NEDD9: variants seen among roughly 807,000 people sequenced by gnomAD.
NEDD9 encodes enhancer of filamentation 1.
A neutral mutation model predicts 76.6 loss-of-function variants in NEDD9; 26 were observed. The ratio of observed to expected loss-of-function variants is 0.34; its 90% CI spans 0.25 to 0.47. The LOEUF (loss-of-function observed/expected upper bound fraction) is 0.47. NEDD9 is among the 20% of genes least tolerant of loss of function. The pLI is 1.00. For missense variants in NEDD9, 937 were observed against 1,058.5 expected (o/e 0.89, Z 1.59); for synonymous variants, 392 against 414.2 (o/e 0.95, Z 0.65).
chr6:11,226,690 C>G (rs1581969747), intron 1 of NEDD9, among the ~76,000 whole-genome samples: 1 of 152,178 alleles, frequency 6.6e-6, no homozygotes, highest in Non-Finnish European at 1.5e-5. Context: ...TATGGGTAAA[C>G]AATTCTAGTG....
At chr6:11,237,319 T>C (rs1475590115), upstream of NEDD9, among the ~76,000 whole-genome samples, 1 of 152,214 alleles carries the variant, frequency 6.6e-6, no homozygotes, top group African/African-American at 2.4e-5. The surrounding 1 kb of genome is among the most constrained non-coding windows in gnomAD (Gnocchi z 4.9). Context: ...TAGAGGTGCA[T>C]AAATGCTTGC....
intron 1 of NEDD9, among the ~76,000 whole-genome samples, chr6:11,377,871 C>G (rs190459897): frequency 6.6e-6 from 1 of 152,128 alleles, no homozygotes; most frequent in Non-Finnish European, 1.5e-5. Context: ...TTGGAGCATG[C>G]GGGTGGATCC....
At chr6:11,326,078 G>A (rs928392036) in intron 2 of NEDD9, among the ~76,000 whole-genome samples, 3 of 151,242 alleles carry the variant, frequency 2.0e-5, no homozygotes, top group East Asian at 1.9e-4. Context: ...CCCTGGAGGC[G>A]GAGGTTGCAG....
At position 11,212,102 on chromosome 6, in the gene NEDD9, C is replaced by G. The variant is rs112498631; in HGVS notation, c.459+1179G>C. The stretch of plus-strand genomic sequence containing the variant: ...CCTAATTTACAGAGGTTTGTAAAAT[C>G]AGACTTCATATTAGATTTACTTGGG... On this transcript the variant is annotated intron_variant, in intron 2 of 6. Transcript: ENST00000379446. Among the ~76,000 whole-genome samples the G allele has an allele frequency of 2.0e-3, 305 of 152,320 alleles. 1 individual carries two copies. The highest frequency in any genetic ancestry group is 7.0e-3 in the African/African-American group (292 of 41,568).
At chr6:11,273,217 T>G (rs1055530386) in intron 3 of NEDD9, among the ~76,000 whole-genome samples, 1 of 152,224 alleles carries the variant, frequency 6.6e-6, no homozygotes, top group Non-Finnish European at 1.5e-5. Context: ...ATTATGATAT[T>G]GGGAATTAAA....
intron 3 of NEDD9, among the ~76,000 whole-genome samples, chr6:11,247,222 C>T (rs1759828665): frequency 6.6e-6 from 1 of 152,188 alleles, no homozygotes; most frequent in South Asian, 2.1e-4. Flanking sequence ...ATACTCAGCT[C>T]AAGTCTGTCC....
chr6:11,276,219 A>G (rs142213131), intron 3 of NEDD9, among the ~76,000 whole-genome samples: 201 of 152,354 alleles, frequency 1.3e-3, no homozygotes, highest in Non-Finnish European at 2.6e-3. Context: ...GGAGAAAATG[A>G]GTCTTGATTA....
chr6:11,244,286 C>T (rs556827849), intron 3 of NEDD9, among the ~76,000 whole-genome samples: 99 of 152,026 alleles, frequency 6.5e-4, no homozygotes, highest in African/African-American at 2.2e-3. Flanking sequence ...CGTGTGTGCA[C>T]GCACACACAC....
At chr6:11,380,353 G>A (rs968680551) in intron 1 of NEDD9, among the ~76,000 whole-genome samples, 29 of 152,344 alleles carry the variant, frequency 1.9e-4, no homozygotes, top group Admixed American at 3.3e-4. Context: ...CAGGGAAGGA[G>A]AGAAGCCATG....
intron 1 of NEDD9, among the ~76,000 whole-genome samples, chr6:11,366,416 AAAG>A (rs1434978126): frequency 1.3e-5 from 2 of 151,906 alleles, no homozygotes; most frequent in Non-Finnish European, 2.9e-5. Context: ...AAGAAAGAAA[AAAG>A]AAAAAGAAAG....
At chr6:11,343,428 C>CA (rs751376881) in intron 1 of NEDD9, among the ~76,000 whole-genome samples, 4,554 of 135,858 alleles carry the variant, frequency 0.034, 65 homozygotes, top group Middle Eastern at 0.091. Flanking sequence ...GGCTCTGTCT[C>CA]AAAAAAAAAA....
chr6:11,307,236 A>G (rs1350149347), intron 2 of NEDD9, among the ~76,000 whole-genome samples: 1 of 152,196 alleles, frequency 6.6e-6, no homozygotes, highest in Non-Finnish European at 1.5e-5. Flanking sequence ...TCCTTTCCAA[A>G]CAGGATAATT....
At chr6:11,287,019 T>C (rs9468797) in intron 3 of NEDD9, among the ~76,000 whole-genome samples, 5 of 152,246 alleles carry the variant, frequency 3.3e-5, no homozygotes, top group Non-Finnish European at 7.3e-5. Flanking sequence ...GGTTATCTGG[T>C]TGGGCTCACA....
intron 1 of NEDD9, among the ~76,000 whole-genome samples, chr6:11,346,231 G>T (rs957308529): frequency 6.6e-6 from 1 of 152,276 alleles, no homozygotes; most frequent in East Asian, 1.9e-4. Flanking sequence ...AACAAACATG[G>T]CTGTGAATGT....
At chr6:11,297,687 T>C (rs1760930426) in intron 3 of NEDD9, among the ~76,000 whole-genome samples, 1 of 152,182 alleles carries the variant, frequency 6.6e-6, no homozygotes, top group Non-Finnish European at 1.5e-5. Flanking sequence ...TCAGGAAGCT[T>C]CTTTTGAGGG....
At chr6:11,327,832 C>T (rs975228796) in intron 2 of NEDD9, among the ~76,000 whole-genome samples, 8 of 152,356 alleles carry the variant, frequency 5.3e-5, no homozygotes, top group African/African-American at 1.7e-4. Flanking sequence ...TTCCTCCTGG[C>T]TTAAGTCGTC....
At chr6:11,201,114 C>T in intron 2 of NEDD9, 1 of 1,591,262 alleles carries the variant, frequency 6.3e-7, no homozygotes, top group Non-Finnish European at 8.6e-7. Context: ...AAGGTCTCAG[C>T]AAGTCTCCTT....
intron 3 of NEDD9, among the ~76,000 whole-genome samples, chr6:11,286,498 C>T (rs1480910420): frequency 2.6e-5 from 4 of 152,290 alleles, no homozygotes; most frequent in Non-Finnish European, 4.4e-5. Flanking sequence ...AAAGCCTATG[C>T]CATGCACACC....
intron 1 of NEDD9, among the ~76,000 whole-genome samples, chr6:11,346,529 C>T (rs941639900): frequency 2.0e-5 from 3 of 149,274 alleles, no homozygotes; most frequent in African/African-American, 4.9e-5. Flanking sequence ...GTAAAATAAA[C>T]CCAATTATGA....
Sources: allele counts gnomAD v4.1 joint callset (sites outside exome capture counted in the v4.1 genomes callset), GRCh38; gene constraint gnomAD v4.1.1; non-coding constraint Gnocchi (gnomAD v3.1); transcripts MANE v1.5; gene names NCBI Gene and HGNC (gene_info 2026-07-23, HGNC 2026-07-21).